The following EYS variants were observed in gnomAD, a reference collection of about 807,000 sequenced individuals.
EYS encodes protein eyes shut homolog.
EYS carries 250 observed loss-of-function variants against 282.1 expected under a neutral mutation model. The observed-to-expected ratio is 0.89, with a 90% CI of 0.80 to 0.98. The LOEUF is 0.98. Among genes scored for constraint, EYS ranks in the 50% least tolerant of loss-of-function variants. The pLI is 0.00. For synonymous variants in EYS, 1,355 were observed against 1,282.9 expected (o/e 1.06, Z -1.20); for missense variants, 4,016 against 3,709.0 (o/e 1.08, Z -2.15).
intron 35 of EYS, among the ~76,000 whole-genome samples, chr6:63,908,677 C>G (rs1365190999): frequency 6.6e-6 from 1 of 152,126 alleles, no homozygotes; most frequent in Non-Finnish European, 1.5e-5. Context: ...TCTCGAACTC[C>G]TGACCTCAGG....
At chr6:64,244,432 A>C (rs1766938852) in intron 30 of EYS, among the ~76,000 whole-genome samples, 1 of 152,184 alleles carries the variant, frequency 6.6e-6, no homozygotes, top group Non-Finnish European at 1.5e-5. Context: ...GCTTTTAAGA[A>C]GTTCCCTTTG....
intron 25 of EYS, 113 bp from the exon 26 acceptor site, chr6:64,592,102 T>G (rs914153137): frequency 6.1e-5 from 37 of 610,900 alleles, no homozygotes; most frequent in Middle Eastern, 2.8e-4. Context: ...CCATTATATG[T>G]AGACAAATAT....
At chr6:65,371,208 C>T (rs1197428293) in intron 8 of EYS, among the ~76,000 whole-genome samples, 1 of 151,674 alleles carries the variant, frequency 6.6e-6, no homozygotes, top group African/African-American at 2.4e-5. Context: ...TACAGTATAA[C>T]AACATAGCAT....
At chr6:63,921,447 T>G (rs321487) in intron 35 of EYS, among the ~76,000 whole-genome samples, 100,490 of 152,082 alleles carry the variant, frequency 0.66, 33,433 homozygotes, top group South Asian at 0.74. Context: ...TAGATTTCCG[T>G]TTTAGTTTAA....
At chr6:64,986,445 T>C (rs1770859884) in intron 14 of EYS, among the ~76,000 whole-genome samples, 1 of 151,308 alleles carries the variant, frequency 6.6e-6, no homozygotes, top group African/African-American at 2.4e-5. Flanking sequence ...TTAACTTGAC[T>C]GCCTTGAATT....
At chr6:65,684,319 G>T (rs180826594) in intron 1 of EYS, among the ~76,000 whole-genome samples, 1 of 152,078 alleles carries the variant, frequency 6.6e-6, no homozygotes, top group Admixed American at 6.6e-5. Flanking sequence ...CATTTTAATG[G>T]ATTATTTGAA....
At chr6:64,249,819 T>A (rs1026922637) in intron 30 of EYS, among the ~76,000 whole-genome samples, 54 of 152,220 alleles carry the variant, frequency 3.5e-4, no homozygotes, top group African/African-American at 1.3e-3. Flanking sequence ...TGATCTTTTT[T>A]TCTTGCTACC....
At chr6:64,504,108 A>C (rs1458257979) in intron 26 of EYS, among the ~76,000 whole-genome samples, 3 of 152,118 alleles carry the variant, frequency 2.0e-5, no homozygotes, top group Non-Finnish European at 2.9e-5. Flanking sequence ...AGTTCCCTAT[A>C]ACAGTGTGAG....
At chr6:64,309,721 C>G (rs1278306194) in intron 29 of EYS, among the ~76,000 whole-genome samples, 2 of 152,066 alleles carry the variant, frequency 1.3e-5, no homozygotes, top group Non-Finnish European at 2.9e-5. Flanking sequence ...AATCCCAGCA[C>G]TTTGGGAGGC....
chr6:64,622,322 T>C (rs564788644), intron 23 of EYS, among the ~76,000 whole-genome samples: 2 of 152,242 alleles, frequency 1.3e-5, no homozygotes, highest in African/African-American at 4.8e-5. Flanking sequence ...CATAAATGAA[T>C]TGTACTTTTT....
At chr6:65,285,152 A>C (rs1768326226) in intron 12 of EYS, among the ~76,000 whole-genome samples, 1 of 152,030 alleles carries the variant, frequency 6.6e-6, no homozygotes, top group Non-Finnish European at 1.5e-5. Flanking sequence ...GTTAAAATTT[A>C]AAACATCAAA....
intron 12 of EYS, among the ~76,000 whole-genome samples, chr6:65,162,276 T>A (rs1468605502): frequency 6.6e-6 from 1 of 151,200 alleles, no homozygotes; most frequent in Non-Finnish European, 1.5e-5. Context: ...TGGGTCAGCT[T>A]TTGAAAGCAA....
intron 31 of EYS, among the ~76,000 whole-genome samples, chr6:64,183,437 C>G (rs1205653396): frequency 6.6e-6 from 1 of 152,102 alleles, no homozygotes; most frequent in East Asian, 1.9e-4. Flanking sequence ...CACTGTATTC[C>G]TGGCACTTAA....
chr6:65,469,801 G>T (rs1222350804), intron 5 of EYS, among the ~76,000 whole-genome samples: 2 of 151,880 alleles, frequency 1.3e-5, no homozygotes, highest in Non-Finnish European at 2.9e-5. Context: ...CTATACATAG[G>T]CATCTATTCT....
chr6:64,000,480 G>A (rs1308852845), intron 33 of EYS, among the ~76,000 whole-genome samples: 2 of 151,510 alleles, frequency 1.3e-5, no homozygotes, highest in Non-Finnish European at 2.9e-5. Flanking sequence ...GATTACAGGC[G>A]TGAGCCACCG....
At chr6:64,915,589 C>G (rs1768135550) in intron 15 of EYS, among the ~76,000 whole-genome samples, 1 of 152,102 alleles carries the variant, frequency 6.6e-6, no homozygotes, top group Admixed American at 6.6e-5. Flanking sequence ...ACACTGTTTA[C>G]TAGATGCTGT....
At chr6:65,338,092 T>C (rs944315992) in intron 10 of EYS, among the ~76,000 whole-genome samples, 7 of 151,304 alleles carry the variant, frequency 4.6e-5, no homozygotes, top group African/African-American at 1.2e-4. Context: ...TTATATCTAA[T>C]GCTCTGGTTG....
chr6:64,657,072 C>T (rs1020365902), intron 22 of EYS, among the ~76,000 whole-genome samples: 3 of 152,162 alleles, frequency 2.0e-5, no homozygotes, highest in East Asian at 1.9e-4. Flanking sequence ...GGATAGTTAG[C>T]TCTTCTTGTT....
chr6:65,457,499 T>C (rs994432446), intron 5 of EYS, among the ~76,000 whole-genome samples: 8 of 152,142 alleles, frequency 5.3e-5, no homozygotes, highest in African/African-American at 1.2e-4. Context: ...CAATCCTCGA[T>C]TGGAATTGAT....
Sources: gnomAD v4.1 joint callset for allele counts (sites outside exome capture counted in the v4.1 genomes callset) on GRCh38, gnomAD v4.1.1 for gene constraint, MANE v1.5 for transcripts, NCBI Gene and HGNC (gene_info 2026-07-23, HGNC 2026-07-21) for gene names.